The following PRKN variants were observed in gnomAD, a reference collection of about 807,000 sequenced individuals.
The protein encoded by PRKN is parkin RBR E3 ubiquitin protein ligase, also known as E3 ubiquitin-protein ligase parkin.
PRKN carries 56 observed loss-of-function variants against 59.5 expected under a neutral mutation model. That is an observed-to-expected ratio of 0.94 (90% CI 0.76 to 1.18). The LOEUF is 1.18. Among genes scored for constraint, PRKN ranks in the 50% most tolerant of loss-of-function variants. PRKN has a pLI of 0.00. For missense variants in PRKN, 657 were observed against 596.4 expected (o/e 1.10, Z -1.06); for synonymous variants, 250 against 222.1 (o/e 1.13, Z -1.12).
In PRKN at chr6:161,446,712, C is replaced by T. The variant is rs971424376; in HGVS notation, c.1084-59835G>A. ...CTCTGCACAAACGAAACAATTCATCCTCATCTAATTTATAACCATCCTCCC... is the reference window on the plus strand; with the variant it reads ...CTCTGCACAAACGAAACAATTCATCTTCATCTAATTTATAACCATCCTCCC... On this transcript the variant is annotated intron_variant, in intron 9 of 11. Coordinates refer to ENST00000366898, the MANE Select transcript of PRKN (RefSeq NM_004562.3). The surrounding 1 kb of genome is among the most constrained non-coding windows in gnomAD (Gnocchi z 6.2). 6.6e-6 allele frequency among the ~76,000 whole-genome samples: 1 copy of T among 152,142 alleles called. No homozygotes were observed.
chr6:162,412,107 T>C (rs1243750097), intron 2 of PRKN, among the ~76,000 whole-genome samples: 1 of 152,078 alleles, frequency 6.6e-6, no homozygotes, highest in Non-Finnish European at 1.5e-5. Context: ...AAAAACAGAA[T>C]AGTAAGATGA....
chr6:161,456,918 G>A lies in PRKN; in HGVS notation c.1084-70041C>T, dbSNP rs1256180716. 6.6e-6 allele frequency among the ~76,000 whole-genome samples: 1 copy of A among 152,176 alleles called. No individual in the cohort carries two copies. The highest frequency in any genetic ancestry group is 6.5e-5 in the Admixed American group (1 of 15,284). ...TAGTGTGGCAGCTGGAAGAGGCCTG[G>A]AGTGGTACTTGGACTTTGAAGCCAA... On this transcript the variant is annotated intron_variant, in intron 9 of 11. Transcript: ENST00000366898. The surrounding 1 kb of genome is among the most constrained non-coding windows in gnomAD (Gnocchi z 4.8).
chr6:161,826,289 A>G (rs2128217628), intron 6 of PRKN, among the ~76,000 whole-genome samples: 1 of 152,350 alleles, frequency 6.6e-6, no homozygotes, highest in South Asian at 2.1e-4. Context: ...AAATTTTAAA[A>G]CAAAAGAAAA....
Position 161,382,111 on chromosome 6 carries a change from C to CAAAAAA in PRKN, c.1167+4677_1167+4682dup, listed in dbSNP as rs59174358. On this transcript the variant is annotated intron_variant, in intron 10 of 11. Transcript: ENST00000366898. The stretch of plus-strand genomic sequence containing the variant: ...TGGGTGAAAGAGCGAGACTCCATCT[C>CAAAAAA]AAAAAAAAAAAAAAAAAAAAAATCA... 1.8e-3 allele frequency among the ~76,000 whole-genome samples: 85 copies of CAAAAAA among 46,244 alleles called. 3 individuals carry two copies. The highest frequency in any genetic ancestry group is 2.2e-3 in the Non-Finnish European group (49 of 22,108). 30.3% of individuals were successfully genotyped at this position (46,244 alleles called of 152,430 possible). A position where few individuals can be genotyped will look rare whatever the true frequency, so the allele number is the denominator to read the frequency against.
intron 2 of PRKN, among the ~76,000 whole-genome samples, chr6:162,299,455 AT>A: frequency 6.6e-6 from 1 of 151,992 alleles, no homozygotes; most frequent in East Asian, 1.9e-4. Context: ...AAAACAGTCT[AT>A]TTTTTTCCCA....
chr6:162,338,976 C>T (rs1283465199), intron 2 of PRKN, among the ~76,000 whole-genome samples: 2 of 151,112 alleles, frequency 1.3e-5, no homozygotes, highest in South Asian at 2.1e-4. Context: ...CGTCTCTGCC[C>T]GGCCACCCTG....
At chr6:161,867,017 G>A (rs1265523582) in intron 6 of PRKN, among the ~76,000 whole-genome samples, 3 of 152,180 alleles carry the variant, frequency 2.0e-5, no homozygotes, top group Non-Finnish European at 2.9e-5. Flanking sequence ...AGCATAATTA[G>A]TGAGGGGCCC....
chr6:162,681,577 CCT>C lies in PRKN; in HGVS notation c.7+46083_7+46084del, dbSNP rs1160358452. On this transcript the variant is annotated intron_variant, in intron 1 of 11. Transcript: ENST00000366898. Reference sequence around the variant, plus strand: ...ACCTTTGTAACTTTTCCCTTCAGCCCCTGATTACTGTCTACAGCCAATCAAAA... The same window carrying C: ...ACCTTTGTAACTTTTCCCTTCAGCCCGATTACTGTCTACAGCCAATCAAAA... Among the ~76,000 whole-genome samples the C allele has an allele frequency of 9.9e-5, 15 of 152,208 alleles. No individual in the cohort carries two copies. The East Asian group carries it at 1.9e-3, about 20-fold the overall frequency.
intron 4 of PRKN, among the ~76,000 whole-genome samples, chr6:162,069,007 C>T (rs766621022): frequency 6.6e-5 from 10 of 152,042 alleles, no homozygotes; most frequent in East Asian, 3.9e-4. Flanking sequence ...AGTTTAGGTA[C>T]GTGAATATTT....
In PRKN at chr6:162,021,438, A is replaced by AATAT. The variant is rs1193427302; in HGVS notation, c.618+32649_618+32652dup. ...TTTTTGATGTCCCGGCATTACAGGGAATATATATATATATATATATATATT... is the reference window on the plus strand; with the variant it reads ...TTTTTGATGTCCCGGCATTACAGGGAATATATATATATATATATATATATATATT... On this transcript the variant is annotated intron_variant, in intron 5 of 11. Coordinates refer to ENST00000366898, the MANE Select transcript of PRKN (RefSeq NM_004562.3). 7.0e-4 allele frequency among the ~76,000 whole-genome samples: 84 copies of AATAT among 120,754 alleles called. 1 individual carries two copies. Among genetic ancestry groups the AATAT allele is most frequent in the Middle Eastern group, 4.2e-3 (1 of 240 alleles). The allele number at this position is 120,754 out of a possible 152,430, so 79.2% of individuals were successfully genotyped here.
intron 7 of PRKN, among the ~76,000 whole-genome samples, chr6:161,751,810 A>G (rs1300303387): frequency 6.6e-6 from 1 of 152,224 alleles, no homozygotes; most frequent in Admixed American, 6.5e-5. Context: ...GTGACCAGGT[A>G]CCAGGCTTAT....
chr6:162,682,102 T>C (rs955728243), intron 1 of PRKN, among the ~76,000 whole-genome samples: 2 of 152,108 alleles, frequency 1.3e-5, no homozygotes. Context: ...TAAATTTTAT[T>C]TATCTGAATC....
intron 1 of PRKN, among the ~76,000 whole-genome samples, chr6:162,567,468 G>T (rs569287472): frequency 1.3e-5 from 2 of 152,188 alleles, no homozygotes; most frequent in Non-Finnish European, 2.9e-5. Context: ...ATTTCTAAAT[G>T]CCAACAGAGA....
intron 4 of PRKN, among the ~76,000 whole-genome samples, chr6:162,139,698 G>A (rs185606958): frequency 3.9e-5 from 6 of 152,236 alleles, no homozygotes; most frequent in East Asian, 1.9e-4. Flanking sequence ...AAGCAGAAAC[G>A]TACATCAGCC....
chr6:161,740,501 T>C (rs928314547), intron 7 of PRKN, among the ~76,000 whole-genome samples: 3 of 152,238 alleles, frequency 2.0e-5, no homozygotes, highest in African/African-American at 7.2e-5. Flanking sequence ...CAGACAGATA[T>C]GCCTCTGGGC....
At chr6:162,445,532 T>C (rs1383093528) in intron 1 of PRKN, among the ~76,000 whole-genome samples, 1 of 151,366 alleles carries the variant, frequency 6.6e-6, no homozygotes, top group Non-Finnish European at 1.5e-5. Context: ...ACAAAAAATT[T>C]TTTTAAACAA....
chr6:161,383,442 G>T (rs765849092), intron 10 of PRKN, among the ~76,000 whole-genome samples: 4 of 152,206 alleles, frequency 2.6e-5, no homozygotes, highest in Non-Finnish European at 4.4e-5. Context: ...GCTCCCATGG[G>T]CTGTGCCCCT....
chr6:161,583,799 A>C (rs1363979198), intron 7 of PRKN, among the ~76,000 whole-genome samples: 1 of 152,212 alleles, frequency 6.6e-6, no homozygotes, highest in Non-Finnish European at 1.5e-5. Context: ...GACATACATC[A>C]TCGTTTTTAA....
At chr6:161,857,454 G>T (rs1364784996) in intron 6 of PRKN, among the ~76,000 whole-genome samples, 1 of 152,172 alleles carries the variant, frequency 6.6e-6, no homozygotes, top group Non-Finnish European at 1.5e-5. Context: ...CACCCACTGA[G>T]GAACAGGTGT....
Sources: allele counts gnomAD v4.1 joint callset (sites outside exome capture counted in the v4.1 genomes callset), GRCh38; gene constraint gnomAD v4.1.1; non-coding constraint Gnocchi (gnomAD v3.1); transcripts MANE v1.5; gene names NCBI Gene and HGNC (gene_info 2026-07-23, HGNC 2026-07-21).